EPB41L4A: variants seen among roughly 807,000 people sequenced by gnomAD.
The protein encoded by EPB41L4A is erythrocyte membrane protein band 4.1 like 4A.
A neutral mutation model predicts 108.6 loss-of-function variants in EPB41L4A; 100 were observed. The ratio of observed to expected loss-of-function variants is 0.92; its 90% CI spans 0.78 to 1.09. EPB41L4A has a LOEUF of 1.09. EPB41L4A is among the 50% of genes least tolerant of loss of function. EPB41L4A has a pLI of 0.00. For missense variants in EPB41L4A, 1,030 were observed against 842.7 expected (o/e 1.22, Z -2.75); for synonymous variants, 319 against 289.0 (o/e 1.10, Z -1.05).
intron 12 of EPB41L4A, among the ~76,000 whole-genome samples, chr5:112,231,043 C>A (rs1306961657): frequency 1.3e-5 from 2 of 152,198 alleles, no homozygotes; most frequent in Non-Finnish European, 2.9e-5. Context: ...GATGAATACA[C>A]ACCACTGTTT....
chr5:112,356,039 A>G (rs910003454), intron 1 of EPB41L4A, among the ~76,000 whole-genome samples: 2 of 152,170 alleles, frequency 1.3e-5, no homozygotes, highest in Non-Finnish European at 2.9e-5. Flanking sequence ...GGGTAGCTGG[A>G]TTATGTTACT....
At chr5:112,158,388 G>A (rs760013750), downstream of EPB41L4A, 87 of 424,460 alleles carry the variant, frequency 2.0e-4, 2 homozygotes, top group Non-Finnish European at 6.6e-5. Flanking sequence ...TAGTACATGT[G>A]TGTAGTTATT....
chr5:112,228,425 C>G (rs576092819), intron 12 of EPB41L4A: 2 of 152,394 alleles, frequency 1.3e-5, no homozygotes, highest in South Asian at 4.1e-4. Context: ...CCCTTATGCA[C>G]TCTGTTTGCA....
chr5:112,218,181 G>A (rs954653362), intron 12 of EPB41L4A, among the ~76,000 whole-genome samples: 2 of 152,142 alleles, frequency 1.3e-5, no homozygotes, highest in East Asian at 3.9e-4. Flanking sequence ...CATTCCCTTA[G>A]AACTTCAAAG....
chr5:112,168,544 C>G (rs1033502094), intron 22 of EPB41L4A, among the ~76,000 whole-genome samples, 195 bp downstream of exon 22: 18 of 152,206 alleles, frequency 1.2e-4, no homozygotes, highest in African/African-American at 4.1e-4. Flanking sequence ...TAACTCTTCC[C>G]AGATTGTGCC....
At chr5:112,371,639 A>T (rs1294980210) in intron 1 of EPB41L4A, among the ~76,000 whole-genome samples, 1 of 152,140 alleles carries the variant, frequency 6.6e-6, no homozygotes, top group Non-Finnish European at 1.5e-5. Context: ...AAGTGGCAAG[A>T]CTGTCTGTGG....
At chr5:112,413,568 C>G (rs146690046) in intron 1 of EPB41L4A, among the ~76,000 whole-genome samples, 1 of 152,150 alleles carries the variant, frequency 6.6e-6, no homozygotes, top group Non-Finnish European at 1.5e-5. Flanking sequence ...CTGGAGGAGA[C>G]AGATGTGTCC....
chr5:112,373,046 A>G (rs1212137341), intron 1 of EPB41L4A, among the ~76,000 whole-genome samples: 3 of 152,230 alleles, frequency 2.0e-5, no homozygotes, highest in African/African-American at 4.8e-5. Flanking sequence ...AACTCTGTCT[A>G]TTCTTAAAAA....
chr5:112,170,008 C>G (rs1760482153), intron 20 of EPB41L4A: 1 of 345,142 alleles, frequency 2.9e-6, no homozygotes, highest in African/African-American at 2.2e-5. Context: ...GGATAAAAAA[C>G]TTTATCAGTG....
chr5:112,354,063 A>C (rs1758219291), intron 1 of EPB41L4A, among the ~76,000 whole-genome samples: 1 of 152,166 alleles, frequency 6.6e-6, no homozygotes, highest in Non-Finnish European at 1.5e-5. Flanking sequence ...CAAAACCTAG[A>C]CTTGATTTTG....
At chr5:112,392,226 A>G (rs1760996713) in intron 1 of EPB41L4A, among the ~76,000 whole-genome samples, 3 of 152,096 alleles carry the variant, frequency 2.0e-5, no homozygotes, top group Admixed American at 2.0e-4. Context: ...ACATAACAAT[A>G]TTAACCTTAA....
At chr5:112,196,515 A>G (rs148795934) in intron 15 of EPB41L4A, among the ~76,000 whole-genome samples, 6 of 152,270 alleles carry the variant, frequency 3.9e-5, no homozygotes, top group Non-Finnish European at 8.8e-5. Flanking sequence ...AAGACTATCT[A>G]TTGACCTGGC....
chr5:112,324,936 T>C (rs1756048496), intron 1 of EPB41L4A, among the ~76,000 whole-genome samples: 1 of 152,102 alleles, frequency 6.6e-6, no homozygotes, highest in South Asian at 2.1e-4. Context: ...AACAATCTTT[T>C]TGAAAAGTAA....
chr5:112,332,722 T>C (rs1756644728), intron 1 of EPB41L4A, among the ~76,000 whole-genome samples: 1 of 152,248 alleles, frequency 6.6e-6, no homozygotes, highest in Non-Finnish European at 1.5e-5. Flanking sequence ...TTACCAACAA[T>C]ACAGTTACAA....
intron 1 of EPB41L4A, among the ~76,000 whole-genome samples, chr5:112,371,025 T>C (rs1094445): frequency 0.32 from 48,923 of 152,186 alleles, 11,174 homozygotes; most frequent in African/African-American, 0.65. Context: ...CAATACCTTC[T>C]ATGCACTAAG....
At chr5:112,204,949 G>A (rs927644948) in intron 14 of EPB41L4A, among the ~76,000 whole-genome samples, 2 of 152,106 alleles carry the variant, frequency 1.3e-5, no homozygotes, top group African/African-American at 4.8e-5. Context: ...GAAGTGGCAG[G>A]GCTAGAATTT....
intron 18 of EPB41L4A, among the ~76,000 whole-genome samples, chr5:112,172,511 CAAAAAAAAA>C: frequency 1.0e-5 from 1 of 99,554 alleles, no homozygotes; most frequent in East Asian, 2.9e-4. Context: ...GACCCTGTGC[CAAAAAAAAA>C]AAAAAAAAAT....
intron 2 of EPB41L4A, among the ~76,000 whole-genome samples, chr5:112,283,162 G>A (rs965517226): frequency 2.0e-5 from 3 of 152,216 alleles, no homozygotes; most frequent in South Asian, 4.2e-4. Flanking sequence ...TCTGCAGCAC[G>A]AAGCAGCAGC....
chr5:112,419,641 G>A (rs937081333), upstream of EPB41L4A: 2 of 456,214 alleles, frequency 4.4e-6, no homozygotes, highest in Admixed American at 4.7e-5. Context: ...CACCCACGAC[G>A]CCCCGACCAT....
Sources: gnomAD v4.1 joint callset for allele counts (sites outside exome capture counted in the v4.1 genomes callset) on GRCh38, gnomAD v4.1.1 for gene constraint, MANE v1.5 for transcripts, NCBI Gene and HGNC (gene_info 2026-07-23, HGNC 2026-07-21) for gene names.